MICAL2: variants seen among roughly 807,000 people sequenced by gnomAD.
MICAL2 encodes microtubule associated monooxygenase, calponin and LIM domain containing 2.
Under a neutral mutation model 127.3 loss-of-function variants are expected in MICAL2, and 77 were observed. The ratio of observed to expected loss-of-function variants is 0.60; its 90% CI spans 0.50 to 0.73. The LOEUF (loss-of-function observed/expected upper bound fraction) is 0.73. MICAL2 is among the 30% of genes least tolerant of loss of function. MICAL2 has a pLI of 0.00. For synonymous variants in MICAL2, 570 were observed against 551.1 expected, an observed-to-expected ratio of 1.03 and a Z score of -0.48; for missense variants, 1,351 against 1,434.4, an observed-to-expected ratio of 0.94 and a Z score of 0.94.
In MICAL2 at chr11:12,211,105, C is replaced by T. The variant is rs150869544; in HGVS notation, c.691+1507C>T. 1.3e-3 allele frequency among the ~76,000 whole-genome samples: 195 copies of T among 152,274 alleles called. 2 individuals are homozygous for T. Among genetic ancestry groups the T allele is most frequent in the South Asian group, 9.6e-3 (46 of 4,814 alleles). ...TGGAAACCCAAGGTTGTTGGCCAGG[C>T]GTGGTGGCTCACACCTGTAATCCCA... is the stretch of plus-strand genomic sequence containing the variant. On this transcript the variant is annotated intron_variant, in intron 6 of 27. Coordinates refer to ENST00000683283, the MANE Select transcript of MICAL2 (RefSeq NM_001282663.2).
intron 1 of MICAL2, among the ~76,000 whole-genome samples, chr11:12,116,437 C>T (rs1300946346): frequency 6.8e-6 from 1 of 146,214 alleles, no homozygotes; most frequent in Non-Finnish European, 1.5e-5. Flanking sequence ...TAAGACAAGG[C>T]AGGGCAAAGT....
At chr11:12,165,473 A>G (rs1334856487) in intron 3 of MICAL2, among the ~76,000 whole-genome samples, 1 of 152,252 alleles carries the variant, frequency 6.6e-6, no homozygotes, top group East Asian at 1.9e-4. Context: ...CATGTGGCTG[A>G]TCATTAATGC....
intron 3 of MICAL2, among the ~76,000 whole-genome samples, chr11:12,187,901 G>A (rs943938871): frequency 6.6e-6 from 1 of 151,748 alleles, no homozygotes; most frequent in African/African-American, 2.4e-5. Flanking sequence ...ATAGGGAGGG[G>A]CAGTTCCCGG....
downstream of MICAL2, chr11:12,358,835 C>T (rs1211521453): frequency 6.3e-6 from 1 of 159,504 alleles, no homozygotes; most frequent in Non-Finnish European, 1.4e-5. Flanking sequence ...GAGTTACATA[C>T]TTTAAGATTT....
intron 3 of MICAL2, among the ~76,000 whole-genome samples, chr11:12,182,195 AG>A (rs1198852141): frequency 6.6e-6 from 1 of 152,236 alleles, no homozygotes; most frequent in Non-Finnish European, 1.5e-5. Flanking sequence ...AAATATTCTG[AG>A]AAGGTGTCCA....
chr11:12,286,550 GTGGT>G (rs1565293629), intron 2 of MICAL2, among the ~76,000 whole-genome samples: 1 of 152,160 alleles, frequency 6.6e-6, no homozygotes, highest in Non-Finnish European at 1.5e-5. Flanking sequence ...TTCTCTGAGG[GTGGT>G]ACCTGTCCCA....
chr11:12,300,523 A>C (rs1324521312), intron 29 of MICAL2, among the ~76,000 whole-genome samples: 1 of 152,160 alleles, frequency 6.6e-6, no homozygotes, highest in Admixed American at 6.5e-5. Flanking sequence ...TGAGAGAGAC[A>C]TGGTCCTCCT....
At chr11:12,185,711 C>G (rs1414910865) in intron 3 of MICAL2, among the ~76,000 whole-genome samples, 1 of 152,190 alleles carries the variant, frequency 6.6e-6, no homozygotes, top group Non-Finnish European at 1.5e-5. Flanking sequence ...CGGTACTCCG[C>G]ACTGCTCAGC....
chr11:12,189,166 C>T (rs552839943), intron 3 of MICAL2, among the ~76,000 whole-genome samples: 2 of 152,316 alleles, frequency 1.3e-5, no homozygotes, highest in Admixed American at 6.5e-5. Context: ...TTTCATCCAA[C>T]CCCTCCTTTA....
At chr11:12,278,901 C>T (rs1033487986) in intron 1 of MICAL2, among the ~76,000 whole-genome samples, 1 of 152,092 alleles carries the variant, frequency 6.6e-6, no homozygotes. Flanking sequence ...GTTTGAGATG[C>T]CGGTGTCTTT....
chr11:12,359,834 CG>C (rs1939182663), downstream of MICAL2, among the ~76,000 whole-genome samples: 1 of 152,150 alleles, frequency 6.6e-6, no homozygotes, highest in Non-Finnish European at 1.5e-5. Flanking sequence ...GCTCTCATTT[CG>C]GCAAGTGTTT....
downstream of MICAL2, among the ~76,000 whole-genome samples, chr11:12,292,787 GCCTGTTC>G (rs1863921943): frequency 1.3e-5 from 2 of 152,190 alleles, no homozygotes; most frequent in Non-Finnish European, 2.9e-5. Context: ...TACCTGCCAG[GCCTGTTC>G]TAGACTCTGG....
rs138993647 is a variant in MICAL2 at position 12,327,623 on chromosome 11, C to T, written c.5515+357C>T. On this transcript the variant is annotated intron_variant, in intron 32 of 34. Coordinates refer to the MICAL2 transcript ENST00000646065. ...CAGGAGAAATATATGGGTATTGGAGCAGTGTTGGTAGTAATTCAAAACTCA... is the reference window on the plus strand; with the variant it reads ...CAGGAGAAATATATGGGTATTGGAGTAGTGTTGGTAGTAATTCAAAACTCA... Among the ~76,000 whole-genome samples the T allele has an allele frequency of 6.3e-3, 962 of 152,100 alleles. 3 individuals are homozygous for T. Among genetic ancestry groups the T allele is most frequent in the Non-Finnish European group, 1.0e-2 (677 of 68,018 alleles).
intron 3 of MICAL2, among the ~76,000 whole-genome samples, chr11:12,176,584 CT>C (rs1856867557): frequency 6.6e-6 from 1 of 152,150 alleles, no homozygotes; most frequent in African/African-American, 2.4e-5. Flanking sequence ...ATCCCCAGAA[CT>C]TTTTTCATCT....
chr11:12,134,061 G>A (rs1851641630), intron 1 of MICAL2, among the ~76,000 whole-genome samples: 1 of 152,206 alleles, frequency 6.6e-6, no homozygotes, highest in Non-Finnish European at 1.5e-5. Flanking sequence ...GCATGACCTT[G>A]GCGAGTTAGT....
chr11:12,158,789 C>T (rs1385854), intron 2 of MICAL2, among the ~76,000 whole-genome samples: 86,936 of 152,046 alleles, frequency 0.57, 25,712 homozygotes, highest in Middle Eastern at 0.77. Flanking sequence ...CCCTATTTCA[C>T]GCATGAGAAA....
intron 8 of MICAL2, among the ~76,000 whole-genome samples, chr11:12,218,190 C>T (rs753815152): frequency 1.7e-4 from 26 of 152,192 alleles, no homozygotes; most frequent in African/African-American, 3.4e-4. Context: ...TTCAAGCAGC[C>T]GTGCCTCTGG....
chr11:12,167,765 A>T (rs1855692618), intron 3 of MICAL2, among the ~76,000 whole-genome samples: 1 of 152,122 alleles, frequency 6.6e-6, no homozygotes, highest in Admixed American at 6.5e-5. Context: ...CTGAGCCTGG[A>T]TTGCCAGTCG....
At chr11:12,336,511 G>A (rs1465732842) in intron 32 of MICAL2, among the ~76,000 whole-genome samples, 3 of 152,156 alleles carry the variant, frequency 2.0e-5, no homozygotes, top group African/African-American at 7.2e-5. Flanking sequence ...TGGTGAGAGA[G>A]GGCCTCCCTG....
Sources: allele counts gnomAD v4.1 joint callset (sites outside exome capture counted in the v4.1 genomes callset), GRCh38; gene constraint gnomAD v4.1.1; transcripts MANE v1.5; gene names NCBI Gene and HGNC (gene_info 2026-07-23, HGNC 2026-07-21).